CNTNAP2: variants seen among roughly 807,000 people sequenced by gnomAD.
CNTNAP2 encodes the protein contactin associated protein 2.
CNTNAP2 carries 98 observed loss-of-function variants against 155.2 expected under a neutral mutation model. That is an observed-to-expected ratio of 0.63 (90% CI 0.54 to 0.75). The LOEUF (loss-of-function observed/expected upper bound fraction) is 0.75. Ranked by LOEUF, CNTNAP2 falls within the 30% of genes least tolerant of loss-of-function variation. The probability of loss-of-function intolerance (pLI) is 0.00; values close to 1 mark genes in which losing one functional copy is unlikely to be tolerated. For missense variants in CNTNAP2, 1,727 were observed against 1,688.1 expected (o/e 1.02, Z -0.40); for synonymous variants, 651 against 631.2 (o/e 1.03, Z -0.47).
chr7:146,444,744 G>GC (rs1796377402), intron 1 of CNTNAP2, among the ~76,000 whole-genome samples: 1 of 148,334 alleles, frequency 6.7e-6, no homozygotes, highest in Non-Finnish European at 1.5e-5. Context: ...TGCAACTTCT[G>GC]CCCCCCAGGT....
At chr7:146,475,115 A>G (rs934336438) in intron 1 of CNTNAP2, among the ~76,000 whole-genome samples, 1 of 152,114 alleles carries the variant, frequency 6.6e-6, no homozygotes, top group Non-Finnish European at 1.5e-5. Flanking sequence ...TTTTCTGCAG[A>G]CTGGATGTCA....
intron 1 of CNTNAP2, among the ~76,000 whole-genome samples, chr7:146,275,989 C>T (rs1373446386): frequency 6.6e-6 from 1 of 152,132 alleles, no homozygotes; most frequent in South Asian, 2.1e-4. Flanking sequence ...TACCAAATAT[C>T]CTATAATGTA....
intron 13 of CNTNAP2, among the ~76,000 whole-genome samples, chr7:147,797,402 GA>G (rs535232174): frequency 7.3e-5 from 11 of 149,906 alleles, no homozygotes; most frequent in South Asian, 2.1e-4. Flanking sequence ...GACCATCAAT[GA>G]AAAAAAAAGG....
intron 12 of CNTNAP2, among the ~76,000 whole-genome samples, chr7:147,628,805 A>G (rs1277732176): frequency 6.6e-6 from 1 of 151,960 alleles, no homozygotes; most frequent in Non-Finnish European, 1.5e-5. Flanking sequence ...AATGGAAACC[A>G]AAAGCAAGCA....
At chr7:147,177,281 T>G (rs977429680) in intron 8 of CNTNAP2, among the ~76,000 whole-genome samples, 11 of 151,906 alleles carry the variant, frequency 7.2e-5, no homozygotes, top group African/African-American at 2.4e-4. Flanking sequence ...TGGAACCAGG[T>G]GGAGTTAATT....
intron 21 of CNTNAP2, among the ~76,000 whole-genome samples, chr7:148,283,402 T>C (rs1797024221): frequency 6.6e-6 from 1 of 152,150 alleles, no homozygotes; most frequent in Non-Finnish European, 1.5e-5. Flanking sequence ...CTTATTTATA[T>C]ACAGTTGATC....
At chr7:147,323,981 T>C (rs1232597167) in intron 9 of CNTNAP2, among the ~76,000 whole-genome samples, 1 of 152,114 alleles carries the variant, frequency 6.6e-6, no homozygotes, top group Non-Finnish European at 1.5e-5. Context: ...TTTTTTTTCT[T>C]TAGCTTAGAA....
intron 1 of CNTNAP2, among the ~76,000 whole-genome samples, chr7:146,375,565 A>C (rs1481717017): frequency 6.6e-6 from 1 of 152,230 alleles, no homozygotes; most frequent in Non-Finnish European, 1.5e-5. Context: ...TAAAGAATCT[A>C]ACAGTTCCTA....
chr7:147,173,414 T>TAAATTTATAAGATCTCATAAATTATA, intron 8 of CNTNAP2, among the ~76,000 whole-genome samples: 1 of 152,250 alleles, frequency 6.6e-6, no homozygotes, highest in Non-Finnish European at 1.5e-5. Flanking sequence ...TTGAAACTTA[T>TAAATTTATAAGATCTCATAAATTATA]AATGAGATCC....
chr7:147,832,987 G>A (rs1336144503), intron 13 of CNTNAP2, among the ~76,000 whole-genome samples: 2 of 150,618 alleles, frequency 1.3e-5, no homozygotes, highest in African/African-American at 4.9e-5. Flanking sequence ...AATTTATTTT[G>A]TTTATATTTT....
At chr7:146,926,923 C>G (rs1796621169) in intron 3 of CNTNAP2, among the ~76,000 whole-genome samples, 1 of 151,992 alleles carries the variant, frequency 6.6e-6, no homozygotes, top group Non-Finnish European at 1.5e-5. Flanking sequence ...AATAAGAAAA[C>G]ACAAATAACT....
Position 146,263,937 on chromosome 7 carries a change from CA to C in CNTNAP2, c.97+146965del, listed in dbSNP as rs536759357. 2.5e-3 allele frequency among the ~76,000 whole-genome samples: 377 copies of C among 152,216 alleles called. 2 individuals are homozygous for C. Among genetic ancestry groups the C allele is most frequent in the African/African-American group, 8.5e-3 (352 of 41,524 alleles). On this transcript the variant is annotated intron_variant, in intron 1 of 23. Coordinates refer to ENST00000361727, the MANE Select transcript of CNTNAP2 (RefSeq NM_014141.6). ...ATTTACTTATAGAGAAAGTGAGATACAGAAATGAACGGAGCTAAATGAAGAA... is the reference window on the plus strand; with the variant it reads ...ATTTACTTATAGAGAAAGTGAGATACGAAATGAACGGAGCTAAATGAAGAA...
At chr7:147,156,646 A>C (rs1801931092) in intron 8 of CNTNAP2, among the ~76,000 whole-genome samples, 1 of 152,198 alleles carries the variant, frequency 6.6e-6, no homozygotes. Context: ...GAAAAGGTAC[A>C]GCTCTTCTAA....
intron 8 of CNTNAP2, among the ~76,000 whole-genome samples, chr7:147,162,917 G>C (rs981611362): frequency 6.6e-6 from 1 of 152,108 alleles, no homozygotes; most frequent in African/African-American, 2.4e-5. Flanking sequence ...TTTCACGTCG[G>C]CTGGGGTTGT....
intron 14 of CNTNAP2, among the ~76,000 whole-genome samples, chr7:147,920,345 G>A (rs181808470): frequency 4.2e-4 from 46 of 109,350 alleles, no homozygotes; most frequent in Admixed American, 2.2e-3. Flanking sequence ...GACAGAGGGA[G>A]ACTCCGTCTC....
chr7:146,737,058 GATT>G (rs1801633278), intron 1 of CNTNAP2, among the ~76,000 whole-genome samples: 1 of 151,910 alleles, frequency 6.6e-6, no homozygotes, highest in Non-Finnish European at 1.5e-5. Context: ...TTCTAAATAT[GATT>G]ATTATTTACG....
intron 1 of CNTNAP2, among the ~76,000 whole-genome samples, chr7:146,192,000 T>C (rs1007455494): frequency 2.6e-5 from 4 of 152,014 alleles, no homozygotes; most frequent in African/African-American, 4.8e-5. Context: ...ATCACAAGAG[T>C]ATTGACTGGG....
rs188179961 is a variant in CNTNAP2 at position 148,413,535 on chromosome 7, T to C, written c.3797-1882T>C. On this transcript the variant is annotated intron_variant, in intron 23 of 23. Coordinates refer to ENST00000361727, the MANE Select transcript of CNTNAP2 (RefSeq NM_014141.6). ...AAATGAATTGAGTAGTGTTTTCTCC[T>C]CCTATATTTTAAGAAAGATGTGTAG... Among the ~76,000 whole-genome samples the C allele has an allele frequency of 4.0e-3, 590 of 149,018 alleles. 4 individuals are homozygous for C. Among genetic ancestry groups the C allele is most frequent in the Middle Eastern group, 0.021 (6 of 284 alleles).
intron 8 of CNTNAP2, among the ~76,000 whole-genome samples, chr7:147,272,014 T>C (rs1804764075): frequency 6.6e-6 from 1 of 152,060 alleles, no homozygotes. Flanking sequence ...TGCCTCAGCC[T>C]CCCAAGTAGC....
Sources: gnomAD v4.1 joint callset for allele counts (sites outside exome capture counted in the v4.1 genomes callset) on GRCh38, gnomAD v4.1.1 for gene constraint, MANE v1.5 for transcripts, NCBI Gene and HGNC (gene_info 2026-07-23, HGNC 2026-07-21) for gene names.